SLC30A9: variants seen among roughly 807,000 people sequenced by gnomAD.
SLC30A9 encodes the protein solute carrier family 30 member 9.
In SLC30A9, 58 loss-of-function variants were observed where a neutral mutation model predicts 87.5. The observed-to-expected ratio is 0.66, with a 90% CI of 0.54 to 0.82. The LOEUF (loss-of-function observed/expected upper bound fraction) is 0.82, where lower values mean the gene tolerates loss of function less well. Among genes scored for constraint, SLC30A9 ranks in the 40% least tolerant of loss-of-function variants. The pLI is 0.00. For synonymous variants in SLC30A9, 234 were observed against 233.0 expected, an observed-to-expected ratio of 1.00 and a Z score of -0.04; for missense variants, 557 against 679.1, an observed-to-expected ratio of 0.82 and a Z score of 2.00.
intron 4 of SLC30A9, among the ~76,000 whole-genome samples, chr4:42,021,531 A>C (rs1715948645): frequency 6.6e-6 from 1 of 152,238 alleles, no homozygotes; most frequent in African/African-American, 2.4e-5. Flanking sequence ...ATGACTATTT[A>C]GCAGTGACTT....
intron 17 of SLC30A9, among the ~76,000 whole-genome samples, chr4:42,079,171 C>T (rs1486554773): frequency 6.6e-6 from 1 of 151,782 alleles, no homozygotes; most frequent in Non-Finnish European, 1.5e-5. Flanking sequence ...TATTGCAGAC[C>T]TCAAAGAGAT....
intron 9 of SLC30A9, among the ~76,000 whole-genome samples, chr4:42,053,695 C>CAAAAAAAAAAAAAAAAAAAAAAA (rs56190460): frequency 3.6e-5 from 2 of 55,922 alleles, no homozygotes; most frequent in Admixed American, 2.8e-4. Flanking sequence ...ACTCGGTCTC[C>CAAAAAAAAAAAAAAAAAAAAAAA]AAAAAAAAAA....
intron 10 of SLC30A9, among the ~76,000 whole-genome samples, chr4:42,062,554 T>C (rs1717899528): frequency 6.6e-6 from 1 of 152,192 alleles, no homozygotes. Context: ...GTATCCAGCA[T>C]CAAATTATAG....
chr4:42,035,249 C>T (rs1345832052), intron 6 of SLC30A9, 26 bp from the exon 7 acceptor site: 1 of 1,577,976 alleles, frequency 6.3e-7, no homozygotes, highest in African/African-American at 1.3e-5. Context: ...TATCTATGAC[C>T]TAAATTTATT....
chr4:42,057,959 G>A (rs2153139414), intron 9 of SLC30A9, among the ~76,000 whole-genome samples: 1 of 152,054 alleles, frequency 6.6e-6, no homozygotes, highest in East Asian at 1.9e-4. Flanking sequence ...AAAATTAGCT[G>A]GGTGTGGTGG....
At chr4:42,085,860 A>G (rs1279651801) in intron 17 of SLC30A9, among the ~76,000 whole-genome samples, 1 of 151,846 alleles carries the variant, frequency 6.6e-6, no homozygotes, top group Non-Finnish European at 1.5e-5. Context: ...ATTAACAAAC[A>G]CATGAACAAA....
chr4:42,075,072 T>A (rs1372865934), intron 15 of SLC30A9, among the ~76,000 whole-genome samples: 1 of 100,212 alleles, frequency 1.0e-5, no homozygotes, highest in Admixed American at 1.0e-4. Context: ...TTTTTTTTTT[T>A]TTTTTTTTTT....
intron 1 of SLC30A9, among the ~76,000 whole-genome samples, chr4:41,992,152 C>T (rs927210167): frequency 6.6e-6 from 1 of 151,678 alleles, no homozygotes; most frequent in Admixed American, 6.6e-5. Flanking sequence ...CCAAGACCAG[C>T]CCGGGCAACA....
At chr4:42,015,431 T>G (rs531225033) in intron 2 of SLC30A9, among the ~76,000 whole-genome samples, 66 of 152,246 alleles carry the variant, frequency 4.3e-4, no homozygotes, top group African/African-American at 1.6e-3. Context: ...AACAATAAGA[T>G]GGCAGAAGTA....
chr4:42,029,428 G>C, intron 6 of SLC30A9: 1 of 574,636 alleles, frequency 1.7e-6, no homozygotes, highest in Non-Finnish European at 3.3e-6. Flanking sequence ...CCACATATCA[G>C]GACCCCCACC....
chr4:41,992,802 A>T (rs1473548674), intron 1 of SLC30A9, among the ~76,000 whole-genome samples: 1 of 152,244 alleles, frequency 6.6e-6, no homozygotes, highest in Non-Finnish European at 1.5e-5. Flanking sequence ...GGCAAAATTT[A>T]AAAATCATTT....
intron 1 of SLC30A9, among the ~76,000 whole-genome samples, chr4:41,992,884 T>G (rs760770499): frequency 5.3e-5 from 8 of 152,154 alleles, no homozygotes; most frequent in Non-Finnish European, 1.2e-4. Context: ...AAAGAAAATC[T>G]AAAAACAGTT....
At chr4:42,073,077 T>C (rs543130871) in intron 15 of SLC30A9, among the ~76,000 whole-genome samples, 1 of 152,304 alleles carries the variant, frequency 6.6e-6, no homozygotes, top group South Asian at 2.1e-4. Flanking sequence ...ACTGGCCATG[T>C]TGGCCAGGCT....
intron 8 of SLC30A9, among the ~76,000 whole-genome samples, chr4:42,045,205 T>A (rs1717096196): frequency 1.3e-5 from 2 of 151,960 alleles, no homozygotes; most frequent in Admixed American, 6.6e-5. Context: ...AAGAAATAAC[T>A]AAGATCAGAG....
At chr4:42,049,280 A>G (rs1577708135) in intron 8 of SLC30A9, 97 bp from the exon 9 acceptor site, 12 of 631,750 alleles carry the variant, frequency 1.9e-5, no homozygotes, top group East Asian at 8.4e-5. Flanking sequence ...TTTACTTTCA[A>G]CAGAATCTAG....
chr4:41,990,862 C>A (rs1714403478), intron 1 of SLC30A9, 102 bp downstream of exon 1: 1 of 825,370 alleles, frequency 1.2e-6, no homozygotes, highest in Non-Finnish European at 2.0e-6. Flanking sequence ...TGCCTTTCGC[C>A]AACCTCAGAA....
intron 1 of SLC30A9, among the ~76,000 whole-genome samples, chr4:41,992,983 A>G (rs1714517960): frequency 6.6e-6 from 1 of 152,056 alleles, no homozygotes; most frequent in African/African-American, 2.4e-5. Flanking sequence ...GAGAGGAGGA[A>G]ACCTTGAGGG....
At chr4:42,030,133 C>T (rs937300062) in intron 6 of SLC30A9, 2 of 890,552 alleles carry the variant, frequency 2.2e-6, no homozygotes, top group African/African-American at 1.7e-5. Context: ...ATCACAAGCA[C>T]AAATCTTTCC....
At chr4:42,056,479 G>A (rs1717618079) in intron 9 of SLC30A9, among the ~76,000 whole-genome samples, 1 of 152,132 alleles carries the variant, frequency 6.6e-6, no homozygotes, top group Admixed American at 6.5e-5. Flanking sequence ...CAGATCTTGT[G>A]AGACTTATTC....
Sources: gnomAD v4.1 joint callset for allele counts (sites outside exome capture counted in the v4.1 genomes callset) on GRCh38, gnomAD v4.1.1 for gene constraint, MANE v1.5 for transcripts, NCBI Gene and HGNC (gene_info 2026-07-23, HGNC 2026-07-21) for gene names.